The following PRELID2 variants were observed in gnomAD, a reference collection of about 807,000 sequenced individuals.
PRELID2 encodes PRELI domain-containing protein 2.
A neutral mutation model predicts 28.4 loss-of-function variants in PRELID2; 25 were observed. That is an observed-to-expected ratio of 0.88 (90% CI 0.64 to 1.23). The LOEUF is 1.23. Among genes scored for constraint, PRELID2 ranks in the 50% most tolerant of loss-of-function variants. The pLI, the probability that PRELID2 is intolerant of heterozygous loss-of-function variation, is 0.00. For synonymous variants in PRELID2, 76 were observed against 71.6 expected (o/e 1.06, Z -0.31); for missense variants, 201 against 214.4 (o/e 0.94, Z 0.39).
intron 1 of PRELID2, among the ~76,000 whole-genome samples, chr5:145,650,523 CATATATACATATATATATATAT>C (rs1315870905): frequency 6.5e-5 from 6 of 91,742 alleles, no homozygotes; most frequent in Admixed American, 1.4e-4. Context: ...TCGAATCGCA[CATATATACATATATATATATAT>C]ATATATATAT....
the PRELID2 span, among the ~76,000 whole-genome samples, chr5:145,281,962 C>T: frequency 2.0e-5 from 3 of 152,020 alleles, no homozygotes; most frequent in Non-Finnish European, 2.9e-5. Context: ...CTTGCAGATT[C>T]GTAATGAAGA....
chr5:145,725,378 A>C (rs943250662), intron 1 of PRELID2, among the ~76,000 whole-genome samples: 1 of 152,212 alleles, frequency 6.6e-6, no homozygotes, highest in African/African-American at 2.4e-5. Flanking sequence ...ACCTTTAAGC[A>C]TTGCTAACAG....
the PRELID2 span, among the ~76,000 whole-genome samples, chr5:145,319,299 A>G: frequency 6.6e-6 from 1 of 152,192 alleles, no homozygotes; most frequent in Admixed American, 6.5e-5. Flanking sequence ...GATAATGTCA[A>G]CTGAAGAAAG....
the PRELID2 span, among the ~76,000 whole-genome samples, chr5:145,413,977 A>C: frequency 6.6e-6 from 1 of 152,148 alleles, no homozygotes; most frequent in South Asian, 2.1e-4. Context: ...ATTGTGAATA[A>C]AATTATGAAT....
chr5:145,827,746 C>T (rs1318673280), intron 1 of PRELID2, among the ~76,000 whole-genome samples: 1 of 152,190 alleles, frequency 6.6e-6, no homozygotes, highest in African/African-American at 2.4e-5. Flanking sequence ...AACTGCCCAG[C>T]ACTCTTCAAA....
chr5:145,369,323 T>C, the PRELID2 span, among the ~76,000 whole-genome samples: 1 of 152,052 alleles, frequency 6.6e-6, no homozygotes, highest in African/African-American at 2.4e-5. Context: ...CCTCACTGTG[T>C]CCATGTGTTC....
At chr5:145,384,497 CAG>C in the PRELID2 span, among the ~76,000 whole-genome samples, 5 of 151,834 alleles carry the variant, frequency 3.3e-5, no homozygotes, top group African/African-American at 9.7e-5. Flanking sequence ...TAAAAGAAAA[CAG>C]AAATGAAAGG....
At chr5:145,561,073 T>G (rs2126692793) in intron 1 of PRELID2, among the ~76,000 whole-genome samples, 1 of 152,182 alleles carries the variant, frequency 6.6e-6, no homozygotes, top group Middle Eastern at 3.4e-3. Context: ...ACAAAATGAC[T>G]GAAACTGCAT....
chr5:145,255,306 C>A, the PRELID2 span, among the ~76,000 whole-genome samples: 1 of 151,206 alleles, frequency 6.6e-6, no homozygotes, highest in East Asian at 1.9e-4. Context: ...TTAACAAATC[C>A]AGTGGAAAAA....
chr5:145,455,579 T>C, the PRELID2 span, among the ~76,000 whole-genome samples: 1,113 of 152,326 alleles, frequency 7.3e-3, 9 homozygotes, highest in Non-Finnish European at 0.013. Flanking sequence ...TCCATGAGCA[T>C]GAAATGTTTC....
At chr5:145,370,395 C>T in the PRELID2 span, among the ~76,000 whole-genome samples, 3 of 151,988 alleles carry the variant, frequency 2.0e-5, no homozygotes, top group African/African-American at 7.3e-5. Context: ...TTCCCCATTG[C>T]TGGTTTTTGT....
chr5:145,522,416 CGA>C (rs796348009), intron 1 of PRELID2, among the ~76,000 whole-genome samples: 15 of 149,656 alleles, frequency 1.0e-4, no homozygotes, highest in Non-Finnish European at 1.5e-4. Context: ...CACACACACA[CGA>C]GAGAGAGAGA....
chr5:145,260,599 G>T, the PRELID2 span, among the ~76,000 whole-genome samples: 1 of 152,166 alleles, frequency 6.6e-6, no homozygotes, highest in African/African-American at 2.4e-5. Flanking sequence ...ATACATAGTA[G>T]GTGTGTGTAT....
At chr5:145,444,184 C>T in the PRELID2 span, among the ~76,000 whole-genome samples, 1 of 151,904 alleles carries the variant, frequency 6.6e-6, no homozygotes, top group Non-Finnish European at 1.5e-5. Context: ...AGAAAATTGG[C>T]CCCTTGAGAC....
At chr5:145,347,004 T>C in the PRELID2 span, among the ~76,000 whole-genome samples, 1 of 152,170 alleles carries the variant, frequency 6.6e-6, no homozygotes, top group Admixed American at 6.6e-5. Flanking sequence ...CCCCTTCATC[T>C]GATTTTATAG....
the PRELID2 span, among the ~76,000 whole-genome samples, chr5:145,459,489 C>T: frequency 6.6e-6 from 1 of 152,148 alleles, no homozygotes; most frequent in Admixed American, 6.5e-5. Flanking sequence ...CCCATAGAAT[C>T]TATTCTTCCA....
intron 5 of PRELID2, among the ~76,000 whole-genome samples, chr5:145,768,988 G>A (rs999604252): frequency 1.3e-5 from 2 of 152,024 alleles, no homozygotes; most frequent in South Asian, 2.1e-4. Context: ...ACCTCTCTTC[G>A]GTAAAGAAGG....
rs907625330 is a variant in PRELID2, at chr5:145,769,432, C to T, written c.475-4432G>A. Among the ~76,000 whole-genome samples, 3 of 152,282 alleles carry T rather than the reference C, an allele frequency of 2.0e-5. No individual in the cohort carries two copies. The East Asian group carries it at 5.8e-4, about 29-fold the overall frequency. ...AGAAATAGCTGATTATTACTAAAAA[C>T]ACAAACTTGTCTTAAGAGGAGCAGG... On this transcript the variant is annotated intron_variant, in intron 5 of 6. Coordinates refer to ENST00000683046, the MANE Select transcript of PRELID2 (RefSeq NM_205846.3).
At chr5:145,751,850 C>T (rs542865106), downstream of PRELID2, among the ~76,000 whole-genome samples, 105 of 152,114 alleles carry the variant, frequency 6.9e-4, no homozygotes, top group African/African-American at 2.4e-3. Flanking sequence ...GGCGTGGTGG[C>T]GGGTGCCTGT....
Sources: allele counts gnomAD v4.1 joint callset (sites outside exome capture counted in the v4.1 genomes callset), GRCh38; gene constraint gnomAD v4.1.1; transcripts MANE v1.5; gene names NCBI Gene and HGNC (gene_info 2026-07-23, HGNC 2026-07-21).